SSH2: variants seen among roughly 807,000 people sequenced by gnomAD.
SSH2 encodes slingshot protein phosphatase 2.
SSH2 carries 37 observed loss-of-function variants against 135.2 expected under a neutral mutation model. The ratio of observed to expected loss-of-function variants is 0.27; its 90% CI spans 0.21 to 0.36. The LOEUF is 0.36. Among genes scored for constraint, SSH2 ranks in the 10% least tolerant of loss-of-function variants. The pLI, the probability that SSH2 is intolerant of heterozygous loss-of-function variation, is 1.00. For synonymous variants in SSH2, 628 were observed against 646.2 expected, an observed-to-expected ratio of 0.97 and a Z score of 0.43; for missense variants, 1,408 against 1,765.3, an observed-to-expected ratio of 0.80 and a Z score of 3.63.
intron 2 of SSH2, 71 bp downstream of exon 2, chr17:29,848,778 A>G: frequency 9.8e-7 from 1 of 1,023,384 alleles, no homozygotes; most frequent in Non-Finnish European, 1.4e-6. Flanking sequence ...AGTTGCATTT[A>G]ATAGCCAAAT....
At chr17:29,763,642 T>C (rs1445443115) in intron 3 of SSH2, among the ~76,000 whole-genome samples, 1 of 152,174 alleles carries the variant, frequency 6.6e-6, no homozygotes, top group Non-Finnish European at 1.5e-5. Context: ...ATCATCTGTA[T>C]CTGTCTGAAA....
At chr17:29,901,037 C>G (rs1306735357) in intron 1 of SSH2, among the ~76,000 whole-genome samples, 1 of 152,024 alleles carries the variant, frequency 6.6e-6, no homozygotes, top group African/African-American at 2.4e-5. Context: ...GAACAAAAAA[C>G]CAAACACCGC....
chr17:29,882,401 A>G (rs555125878), intron 1 of SSH2, among the ~76,000 whole-genome samples: 8 of 152,336 alleles, frequency 5.3e-5, no homozygotes, highest in African/African-American at 1.7e-4. Flanking sequence ...GCACCTCATT[A>G]TATACTCAAG....
At chr17:29,750,350 A>C (rs917256891) in intron 3 of SSH2, among the ~76,000 whole-genome samples, 3 of 151,314 alleles carry the variant, frequency 2.0e-5, no homozygotes, top group Admixed American at 6.6e-5. Context: ...GAGGCAGGAG[A>C]ATCACTTGAA....
At chr17:29,886,466 GC>G (rs1230472939) in intron 1 of SSH2, among the ~76,000 whole-genome samples, 15 of 152,002 alleles carry the variant, frequency 9.9e-5, no homozygotes. Context: ...TTGGAAAATG[GC>G]CGGGTGTCGT....
At chr17:29,741,934 C>CT (rs71138848) in intron 3 of SSH2, among the ~76,000 whole-genome samples, 5,592 of 97,960 alleles carry the variant, frequency 0.057, 292 homozygotes, top group African/African-American at 0.13. Flanking sequence ...ATTTTTTTTT[C>CT]TTTTTTTTTT....
At chr17:29,708,574 AG>A (rs1354562455) in intron 3 of SSH2, among the ~76,000 whole-genome samples, 2 of 135,614 alleles carry the variant, frequency 1.5e-5, no homozygotes, top group Non-Finnish European at 1.6e-5. Context: ...TGGACGACAG[AG>A]GGGAACTCTG....
At chr17:29,674,221 T>A in intron 8 of SSH2, 1 of 452,656 alleles carries the variant, frequency 2.2e-6, no homozygotes, top group Non-Finnish European at 4.4e-6. Context: ...AATGTGTCAG[T>A]CCATTTTTAT....
At chr17:29,717,910 C>G (rs916778463) in intron 3 of SSH2, among the ~76,000 whole-genome samples, 4 of 152,092 alleles carry the variant, frequency 2.6e-5, no homozygotes, top group African/African-American at 9.7e-5. Context: ...GGCCCTGAGG[C>G]AGAAGAATAA....
chr17:29,740,182 G>A (rs1366687712), intron 3 of SSH2, among the ~76,000 whole-genome samples: 1 of 152,230 alleles, frequency 6.6e-6, no homozygotes, highest in East Asian at 1.9e-4. Context: ...GGCTTGCTAT[G>A]TAAAACAGAT....
intron 1 of SSH2, among the ~76,000 whole-genome samples, chr17:29,900,958 G>C (rs1457427887): frequency 6.6e-6 from 1 of 152,082 alleles, no homozygotes; most frequent in Admixed American, 6.5e-5. Flanking sequence ...CATAAAAAAT[G>C]ATGAGTTCAT....
chr17:29,740,309 T>C (rs929994664), intron 3 of SSH2, among the ~76,000 whole-genome samples: 1 of 152,224 alleles, frequency 6.6e-6, no homozygotes. Context: ...GCACTTTCCC[T>C]GTCTGTGATT....
At position 29,773,507 on chromosome 17, in the gene SSH2, A is replaced by G. The variant is rs553271119; in HGVS notation, c.188+20387T>C. Among the ~76,000 whole-genome samples, 10 of 152,330 alleles carry G rather than the reference A, an allele frequency of 6.6e-5. No homozygotes were observed. The South Asian group carries it at 2.1e-3, about 32-fold the overall frequency. ...TCTCTTTTCTGAAGACCAATATTCT[A>G]CAAATAATACTAATCTTCAACATCT... On this transcript the variant is annotated intron_variant, in intron 3 of 15. Transcript: ENST00000540801.
rs555413448 is a variant in SSH2 at position 29,805,328 on chromosome 17, G to C, written c.145-11391C>G. On this transcript the variant is annotated intron_variant, in intron 2 of 15. Coordinates refer to ENST00000540801, the MANE Select transcript of SSH2 (RefSeq NM_001282129.2). ...CACCACCACGCCCGGCTAATTTTTT[G>C]TATTTTTTAGTAGAGACGGGGTTTC... 2.2e-4 allele frequency among the ~76,000 whole-genome samples: 34 copies of C among 151,766 alleles called. No individual in the cohort carries two copies. In the South Asian group the frequency reaches 7.1e-3, roughly 32 times the overall value.
intron 1 of SSH2, chr17:29,883,076 C>T (rs1313323770): frequency 6.6e-6 from 1 of 151,482 alleles, no homozygotes; most frequent in African/African-American, 2.4e-5. Flanking sequence ...TCCCTTAAAC[C>T]TTGTTACAAT....
rs2039057819 is a variant in SSH2 at position 29,703,179 on chromosome 17, G to A, written c.189-117C>T. On this transcript the variant is annotated intron_variant, in intron 3 of 15. Coordinates refer to ENST00000540801, the MANE Select transcript of SSH2 (RefSeq NM_001282129.2). ...TTCCAAAGTCCCAACTTCATGGAAC[G>A]AAGTAAAAACATAATCAAGAGAGGC... is the stretch of plus-strand genomic sequence containing the variant. The A allele has an allele frequency of 7.0e-6, 5 of 714,442 alleles. No homozygotes were observed. The South Asian group carries it at 7.6e-5, about 11-fold the overall frequency. The allele number at this position is 714,442 out of a possible 1,614,324, so 44.3% of individuals were successfully genotyped here. A position where few individuals can be genotyped will look rare whatever the true frequency, so the allele number is the denominator to read the frequency against.
chr17:29,848,634 G>A (rs2065489004), intron 2 of SSH2, among the ~76,000 whole-genome samples: 1 of 152,162 alleles, frequency 6.6e-6, no homozygotes, highest in African/African-American at 2.4e-5. Flanking sequence ...TAACTTTTGA[G>A]TGGTCATTGC....
chr17:29,655,615 G>A lies in SSH2; in HGVS notation c.1033-8C>T. 1 of 1,613,654 alleles carries A rather than the reference G, an allele frequency of 6.2e-7. No homozygotes were observed. Among genetic ancestry groups the A allele is most frequent in the Non-Finnish European group, 8.5e-7 (1 of 1,179,642 alleles). On this transcript the variant is annotated splice_polypyrimidine_tract_variant and splice_region_variant and intron_variant, in intron 11 of 15. Transcript: ENST00000540801. The stretch of plus-strand genomic sequence containing the variant: ...GGCATTCCATTCTGAGCCCTATGGA[G>A]CCAAAAAGACAAGGTTAAGGAGTAT...
At chr17:29,844,624 CTTCT>C (rs1346222877) in intron 2 of SSH2, among the ~76,000 whole-genome samples, 2 of 152,244 alleles carry the variant, frequency 1.3e-5, no homozygotes, top group Non-Finnish European at 1.5e-5. Flanking sequence ...AAGCCAGTAT[CTTCT>C]TTCTCTGTGA....
Sources: gnomAD v4.1 joint callset for allele counts (sites outside exome capture counted in the v4.1 genomes callset) on GRCh38, gnomAD v4.1.1 for gene constraint, MANE v1.5 for transcripts, NCBI Gene and HGNC (gene_info 2026-07-23, HGNC 2026-07-21) for gene names.